RNF115: variants seen among roughly 807,000 people sequenced by gnomAD.
RNF115 encodes the protein ring finger protein 115.
In RNF115, 31 loss-of-function variants were observed where a neutral mutation model predicts 39.2. That is an observed-to-expected ratio of 0.79 (90% CI 0.59 to 1.07). The LOEUF is 1.07. RNF115 is among the 50% of genes least tolerant of loss of function. RNF115 has a pLI of 0.00. For missense variants in RNF115, 384 were observed against 381.7 expected, an observed-to-expected ratio of 1.01 and a Z score of -0.05; for synonymous variants, 124 against 131.0, an observed-to-expected ratio of 0.95 and a Z score of 0.37.
chr1:145,793,642 A>C (rs1278812840), intron 1 of RNF115, among the ~76,000 whole-genome samples: 1 of 150,408 alleles, frequency 6.6e-6, no homozygotes, highest in Non-Finnish European at 1.5e-5. Flanking sequence ...ACACACACAC[A>C]CCCTCGAGAG....
At chr1:145,795,865 C>T (rs1475649676) in intron 1 of RNF115, among the ~76,000 whole-genome samples, 2 of 152,156 alleles carry the variant, frequency 1.3e-5, no homozygotes, top group Non-Finnish European at 2.9e-5. Context: ...ATAAAAGTAG[C>T]TACTTATAAA....
intron 1 of RNF115, among the ~76,000 whole-genome samples, chr1:145,803,922 C>T (rs1225787437): frequency 2.0e-5 from 3 of 152,168 alleles, no homozygotes; most frequent in Admixed American, 6.5e-5. Context: ...TGTTAATTAA[C>T]CTCAGACAAC....
At chr1:145,777,513 G>C (rs1335433974) in intron 3 of RNF115, among the ~76,000 whole-genome samples, 1 of 151,994 alleles carries the variant, frequency 6.6e-6, no homozygotes, top group Non-Finnish European at 1.5e-5. Flanking sequence ...AAAGAACACA[G>C]GATGGAAAAG....
At chr1:145,792,651 C>T (rs1301837309) in intron 1 of RNF115, among the ~76,000 whole-genome samples, 1 of 152,128 alleles carries the variant, frequency 6.6e-6, no homozygotes, top group Non-Finnish European at 1.5e-5. Context: ...CTAGGGAAAG[C>T]TCTGACTGAA....
At chr1:145,749,949 A>G (rs1553712222) in intron 7 of RNF115, among the ~76,000 whole-genome samples, 1 of 152,236 alleles carries the variant, frequency 6.6e-6, no homozygotes, top group African/African-American at 2.4e-5. Flanking sequence ...AATAGTATCT[A>G]TGACTAAGAT....
intron 4 of RNF115, among the ~76,000 whole-genome samples, chr1:145,761,282 A>C (rs1553713791): frequency 1.3e-5 from 2 of 152,232 alleles, no homozygotes; most frequent in Non-Finnish European, 1.5e-5. Flanking sequence ...GCCTAATGTT[A>C]ATCCCCAAGA....
In RNF115 at chr1:145,745,943, G is replaced by C. The variant is rs1553711672; in HGVS notation, c.*923C>G. The C allele has an allele frequency of 6.6e-6, 1 of 151,358 alleles. No individual in the cohort carries two copies. The highest frequency in any genetic ancestry group is 6.6e-5 in the Admixed American group (1 of 15,174). 9.4% of individuals were successfully genotyped at this position (151,358 alleles called of 1,614,324 possible). On this transcript the variant is annotated 3_prime_UTR_variant, in exon 9 of 9. Coordinates refer to ENST00000582693, the MANE Select transcript of RNF115 (RefSeq NM_014455.4). ...AAGTAGTCTTTAAAAATTAAAATAA[G>C]AGGCCAGGCGCAGTGGCTCACGCCT...
At chr1:145,764,724 G>A (rs903083852) in intron 4 of RNF115, among the ~76,000 whole-genome samples, 7 of 151,042 alleles carry the variant, frequency 4.6e-5, no homozygotes, top group African/African-American at 1.5e-4. Flanking sequence ...GTCAGCCCCC[G>A]CCCGGCCAGC....
rs587678664 is a variant in RNF115, at chr1:145,753,786, G to A, written c.429-737C>T. Among the ~76,000 whole-genome samples the A allele has an allele frequency of 1.3e-4, 20 of 152,190 alleles. No homozygotes were observed. The East Asian group carries it at 3.5e-3, about 26-fold the overall frequency. On this transcript the variant is annotated intron_variant, in intron 4 of 8. Coordinates refer to ENST00000582693, the MANE Select transcript of RNF115 (RefSeq NM_014455.4). ...GGCTGGAGTGCAGTGGAGCGATCTC[G>A]GCTCACTGCAACCTCTGCCTCCCAG... is the stretch of plus-strand genomic sequence containing the variant.
chr1:145,802,267 T>A (rs2101591524), intron 1 of RNF115, among the ~76,000 whole-genome samples: 1 of 152,210 alleles, frequency 6.6e-6, no homozygotes, highest in East Asian at 1.9e-4. Flanking sequence ...AGGTTCTGAA[T>A]CGAGAACAAC....
At chr1:145,793,836 CTCTT>C (rs1213462448) in intron 1 of RNF115, among the ~76,000 whole-genome samples, 28 of 151,392 alleles carry the variant, frequency 1.8e-4, no homozygotes, top group South Asian at 4.2e-4. Flanking sequence ...ATATCTTACC[CTCTT>C]TCTTTTTTTT....
At chr1:145,806,619 T>C (rs587688670) in intron 1 of RNF115, among the ~76,000 whole-genome samples, 2 of 152,218 alleles carry the variant, frequency 1.3e-5, no homozygotes, top group South Asian at 4.2e-4. Context: ...GTGCAGTCCT[T>C]ACAGGAATGA....
chr1:145,751,455 C>T lies in RNF115; in HGVS notation c.556G>A (p.Asp186Asn). Residue 186 changes from aspartate to asparagine, a missense_variant, in exon 6 of 9, where the codon GAT becomes AAT. By Grantham distance (23) the Asp-to-Asn change is conservative. Coordinates refer to ENST00000582693, the MANE Select transcript of RNF115 (RefSeq NM_014455.4). ...GDYAWGQTGL[D>N]AIVTQLLGQL... ...CTCCTCACCTGGGTTACAATGGCAT[C>T]AAGCCCTGTCTGACCCCAGGCATAG... 1.3e-6 allele frequency: 2 copies of T among 1,588,794 alleles called. No homozygotes were observed. Among genetic ancestry groups the T allele is most frequent in the Admixed American group, 3.5e-5 (2 of 56,638 alleles).
intron 1 of RNF115, among the ~76,000 whole-genome samples, chr1:145,803,783 C>A (rs1247423829): frequency 6.6e-6 from 1 of 152,186 alleles, no homozygotes; most frequent in Admixed American, 6.5e-5. Context: ...TTCTTTAGCT[C>A]ATTGTGTACC....
At chr1:145,823,629 G>C (rs1650413904) in intron 1 of RNF115, 143 bp downstream of exon 1, 1 of 592,598 alleles carries the variant, frequency 1.7e-6, no homozygotes, top group Non-Finnish European at 2.7e-6. Flanking sequence ...GTTTAGGGCC[G>C]GCGGCTTAGA....
chr1:145,783,820 G>T (rs1648254381), intron 3 of RNF115, among the ~76,000 whole-genome samples: 1 of 151,272 alleles, frequency 6.6e-6, no homozygotes, highest in South Asian at 2.1e-4. Context: ...CAGTTACAAT[G>T]GTTTCTTTTT....
intron 3 of RNF115, among the ~76,000 whole-genome samples, 182 bp downstream of exon 3, chr1:145,784,357 G>GT (rs1420456555): frequency 6.6e-6 from 1 of 152,130 alleles, no homozygotes; most frequent in Admixed American, 6.6e-5. Flanking sequence ...TTTATCAAAG[G>GT]TAACACGCCC....
At chr1:145,795,038 G>C in intron 1 of RNF115, among the ~76,000 whole-genome samples, 1 of 122,204 alleles carries the variant, frequency 8.2e-6, no homozygotes, top group African/African-American at 2.7e-5. Flanking sequence ...AAAAAAAAAA[G>C]ATAGTGTGTC....
chr1:145,750,327 A>T, intron 7 of RNF115, 80 bp downstream of exon 7: 3 of 1,128,168 alleles, frequency 2.7e-6, no homozygotes, highest in Non-Finnish European at 3.9e-6. Context: ...TTCACTTTTT[A>T]AACTTTTCAC....
Sources: gnomAD v4.1 joint callset for allele counts (sites outside exome capture counted in the v4.1 genomes callset) on GRCh38, gnomAD v4.1.1 for gene constraint, MANE v1.5 for transcripts, NCBI Gene and HGNC (gene_info 2026-07-23, HGNC 2026-07-21) for gene names.